Variants in ZPBP observed in about 807,000 individuals in gnomAD.
ZPBP encodes the protein zona pellucida binding protein.
Under a neutral mutation model 44.8 loss-of-function variants are expected in ZPBP, and 26 were observed. That is an observed-to-expected ratio of 0.58 (90% CI 0.43 to 0.81). The LOEUF (loss-of-function observed/expected upper bound fraction) is 0.81. Among genes scored for constraint, ZPBP ranks in the 30% least tolerant of loss-of-function variants. ZPBP has a pLI of 0.00. For synonymous variants in ZPBP, 174 were observed against 153.2 expected (o/e 1.14, Z -1.00); for missense variants, 409 against 434.0 (o/e 0.94, Z 0.51).
intron 7 of ZPBP, among the ~76,000 whole-genome samples, chr7:49,980,009 ATATT>A (rs1796721254): frequency 2.0e-5 from 2 of 98,742 alleles, no homozygotes; most frequent in African/African-American, 8.5e-5. Context: ...TATATTATAT[ATATT>A]ATAATATAAT....
intron 1 of ZPBP, among the ~76,000 whole-genome samples, chr7:49,926,066 C>T (rs1201799147): frequency 3.3e-5 from 5 of 152,156 alleles, no homozygotes; most frequent in Non-Finnish European, 7.3e-5. Flanking sequence ...TCTGTGTAGT[C>T]ACTTGGTGCC....
chr7:50,065,741 G>A (rs377254723), intron 3 of ZPBP, among the ~76,000 whole-genome samples: 1 of 150,866 alleles, frequency 6.6e-6, no homozygotes, highest in South Asian at 2.1e-4. Flanking sequence ...TTTGGTTGAT[G>A]GGAGAAGCTC....
intron 3 of ZPBP, among the ~76,000 whole-genome samples, chr7:50,075,113 G>A (rs1427916256): frequency 6.6e-6 from 1 of 151,756 alleles, no homozygotes; most frequent in Non-Finnish European, 1.5e-5. Context: ...TAAATAATAA[G>A]AGAAATTTTA....
At chr7:50,029,061 C>T (rs1476909723) in intron 5 of ZPBP, among the ~76,000 whole-genome samples, 1 of 152,240 alleles carries the variant, frequency 6.6e-6, no homozygotes, top group African/African-American at 2.4e-5. Flanking sequence ...AAATTGGAGG[C>T]ACTCTCACTT....
At chr7:49,854,369 C>T (rs1049308271) in intron 2 of ZPBP, among the ~76,000 whole-genome samples, 8 of 152,184 alleles carry the variant, frequency 5.3e-5, no homozygotes, top group African/African-American at 1.9e-4. Context: ...TCCTCTCCAG[C>T]ACCTGTTGTT....
chr7:49,846,229 C>A (rs1032619772), downstream of ZPBP, among the ~76,000 whole-genome samples: 1 of 152,118 alleles, frequency 6.6e-6, no homozygotes, highest in Non-Finnish European at 1.5e-5. Flanking sequence ...AAGAGTCGCC[C>A]CCAAGACTGT....
chr7:49,959,210 T>A (rs1795740884), intron 7 of ZPBP, among the ~76,000 whole-genome samples: 1 of 150,808 alleles, frequency 6.6e-6, no homozygotes, highest in Admixed American at 6.6e-5. Context: ...TGCCTTCTTT[T>A]GACATTTTTA....
At chr7:49,858,065 T>C (rs1245539110) in intron 2 of ZPBP, among the ~76,000 whole-genome samples, 5 of 152,190 alleles carry the variant, frequency 3.3e-5, no homozygotes, top group Admixed American at 3.3e-4. Flanking sequence ...CCCTGAGGAA[T>C]CACCACACTG....
At chr7:50,008,889 T>C (rs1319054844) in intron 6 of ZPBP, among the ~76,000 whole-genome samples, 7 of 151,948 alleles carry the variant, frequency 4.6e-5, no homozygotes, top group East Asian at 1.9e-4. Flanking sequence ...TAAAGACACA[T>C]ACTGGGCCAG....
chr7:49,845,117 C>T, the ZPBP span, among the ~76,000 whole-genome samples: 13 of 152,126 alleles, frequency 8.5e-5, no homozygotes, highest in South Asian at 4.1e-4. Context: ...ACAACACACA[C>T]GGGGCCTGTC....
chr7:49,996,672 G>A (rs992442728), intron 6 of ZPBP, among the ~76,000 whole-genome samples: 1 of 152,156 alleles, frequency 6.6e-6, no homozygotes, highest in Admixed American at 6.5e-5. Context: ...AACTGATTGA[G>A]GTGACTTGAT....
intron 1 of ZPBP, chr7:49,921,379 AT>A (rs780880998): frequency 1.3e-5 from 2 of 152,244 alleles, no homozygotes; most frequent in African/African-American, 2.4e-5. Context: ...TCCTTTTAAC[AT>A]TTATATCATA....
chr7:50,086,688 T>C (rs1214925667), intron 2 of ZPBP, among the ~76,000 whole-genome samples: 2 of 151,810 alleles, frequency 1.3e-5, no homozygotes, highest in Non-Finnish European at 2.9e-5. Context: ...TAAAGATCAA[T>C]AACTCAGAGA....
At chr7:50,090,724 A>T (rs1802948084) in intron 1 of ZPBP, among the ~76,000 whole-genome samples, 1 of 151,998 alleles carries the variant, frequency 6.6e-6, no homozygotes, top group Admixed American at 6.6e-5. Context: ...ACTGATGGGC[A>T]TTTGGGCTGG....
intron 2 of ZPBP, among the ~76,000 whole-genome samples, chr7:49,899,625 C>G (rs1194397804): frequency 6.6e-6 from 1 of 151,962 alleles, no homozygotes; most frequent in Non-Finnish European, 1.5e-5. Context: ...AGAAGACACA[C>G]AGGTCTTCAA....
chr7:49,880,475 T>C (rs1005826035), intron 2 of ZPBP, among the ~76,000 whole-genome samples: 69 of 151,964 alleles, frequency 4.5e-4, no homozygotes, highest in African/African-American at 1.6e-3. Flanking sequence ...AGATTTTTTA[T>C]TATGGATTCA....
At chr7:49,981,379 TATATAA>T (rs1796895941) in intron 7 of ZPBP, among the ~76,000 whole-genome samples, 1 of 2,108 alleles carries the variant, frequency 4.7e-4, no homozygotes, top group African/African-American at 2.6e-3. Flanking sequence ...ATATATATTA[TATATAA>T]TTATATATAT....
chr7:49,954,217 G>T (rs976900461), intron 7 of ZPBP, among the ~76,000 whole-genome samples: 1 of 152,012 alleles, frequency 6.6e-6, no homozygotes, highest in Non-Finnish European at 1.5e-5. Flanking sequence ...TCCACAAATG[G>T]TAAAGAGACA....
At chr7:50,090,625 G>GTGTA (rs1802932549) in intron 1 of ZPBP, among the ~76,000 whole-genome samples, 4 of 150,804 alleles carry the variant, frequency 2.7e-5, no homozygotes, top group Non-Finnish European at 4.4e-5. Context: ...GTATATATGT[G>GTGTA]TATATATATA....
Sources: gnomAD v4.1 joint callset for allele counts (sites outside exome capture counted in the v4.1 genomes callset) on GRCh38, gnomAD v4.1.1 for gene constraint, MANE v1.5 for transcripts, NCBI Gene and HGNC (gene_info 2026-07-23, HGNC 2026-07-21) for gene names.